The following PCNX4 variants were observed in gnomAD, a reference collection of about 807,000 sequenced individuals.
The protein encoded by PCNX4 is pecanex 4.
In PCNX4, 103 loss-of-function variants were observed where a neutral mutation model predicts 107.2. The observed-to-expected ratio is 0.96, with a 90% confidence interval of 0.82 to 1.13. The LOEUF (loss-of-function observed/expected upper bound fraction) is 1.13, where lower values mean the gene tolerates loss of function less well. Among genes scored for constraint, PCNX4 ranks in the 50% most tolerant of loss-of-function variants. The pLI, the probability that PCNX4 is intolerant of heterozygous loss-of-function variation, is 0.00. For synonymous variants in PCNX4, 541 were observed against 481.7 expected (o/e 1.12, Z -1.61); for missense variants, 1,528 against 1,379.4 (o/e 1.11, Z -1.71).
intron 2 of PCNX4, chr14:60,109,475 C>G (rs1895693725): frequency 1.2e-5 from 2 of 166,686 alleles, no homozygotes; most frequent in African/African-American, 4.8e-5. Context: ...AGTCTTCACT[C>G]TCTTGCCCAG....
At position 60,146,242 on chromosome 14, in the gene PCNX4, AT is replaced by A. The variant is rs1175402863; in HGVS notation, c.*12022del. The A allele has an allele frequency of 9.9e-5, 15 of 152,006 alleles. No individual in the cohort carries two copies. The highest frequency in any genetic ancestry group is 3.6e-4 in the African/African-American group (15 of 41,378). 9.4% of individuals were successfully genotyped at this position (152,006 alleles called of 1,614,324 possible). A position where few individuals can be genotyped will look rare whatever the true frequency, so the allele number is the denominator to read the frequency against. ...TTAGAAAAACCTAGATGTAAAAAAAATGCGAGATTTGCTAAATGATGTTTAT... is the reference window on the plus strand; with the variant it reads ...TTAGAAAAACCTAGATGTAAAAAAAAGCGAGATTTGCTAAATGATGTTTAT... On this transcript the variant is annotated 3_prime_UTR_variant, in exon 11 of 11. Coordinates refer to ENST00000406854, the MANE Select transcript of PCNX4 (RefSeq NM_001330177.2). This position sits in a 1 kb window ranked among gnomAD's most constrained non-coding sequence, Gnocchi z 4.9.
At position 60,108,252 on chromosome 14, in the gene PCNX4, A is replaced by C. The variant is rs1595165324; in HGVS notation, c.614A>C (p.Gln205Pro). The C allele has an allele frequency of 6.2e-7, 1 of 1,612,764 alleles. No individual in the cohort carries two copies. Among genetic ancestry groups the C allele is most frequent in the South Asian group, 1.1e-5 (1 of 91,072 alleles). ...TATETATFQTQDTYEIIPLMR... is the reference protein window; with the variant it reads ...TATETATFQTPDTYEIIPLMR... ...ACAGAGACTGCGACTTTCCAAACAC[A>C]GGATACTTATGAAATTATTCCTCTT... The change falls in exon 2 of 11, where the codon CAG (glutamine) becomes CCG (proline). Residue 205 changes from glutamine (Q) to proline (P), a missense_variant. Physicochemically the swap from Gln to Pro is moderately conservative, Grantham distance 76. Transcript: ENST00000406854.
In PCNX4 at chr14:60,096,058, A is replaced by G. The variant is rs1895418025; in HGVS notation, c.-54+3639A>G. On this transcript the variant is annotated intron_variant, in intron 1 of 10. Coordinates refer to ENST00000406854, the MANE Select transcript of PCNX4 (RefSeq NM_001330177.2). Reference sequence around the variant, plus strand: ...CACAACACAAACTATTATTCCTAATATAAGCAATAAGCTTCTGTCACCAAG... The same window carrying G: ...CACAACACAAACTATTATTCCTAATGTAAGCAATAAGCTTCTGTCACCAAG... Among the ~76,000 whole-genome samples the G allele has an allele frequency of 2.6e-5, 4 of 152,376 alleles. No individual in the cohort carries two copies. The South Asian group carries it at 8.3e-4, about 32-fold the overall frequency.
chr14:60,096,212 A>C (rs1018862454), intron 1 of PCNX4, among the ~76,000 whole-genome samples: 3 of 152,244 alleles, frequency 2.0e-5, no homozygotes, highest in African/African-American at 7.2e-5. Flanking sequence ...TATAAACACA[A>C]CATTCCATTT....
At chr14:60,123,036 A>G (rs1895983455) in intron 8 of PCNX4, among the ~76,000 whole-genome samples, 1 of 152,176 alleles carries the variant, frequency 6.6e-6, no homozygotes, top group South Asian at 2.1e-4. Flanking sequence ...TATTTCAAAC[A>G]GCGCTCCGAG....
At chr14:60,114,327 T>C (rs59725433) in intron 2 of PCNX4, among the ~76,000 whole-genome samples, 1 of 152,334 alleles carries the variant, frequency 6.6e-6, no homozygotes, top group African/African-American at 2.4e-5. Flanking sequence ...TGTAGTAGTT[T>C]AGACATTTAG....
chr14:60,115,513 A>T (rs929086401), intron 4 of PCNX4, 52 bp downstream of exon 4: 125 of 1,481,476 alleles, frequency 8.4e-5, no homozygotes, highest in Non-Finnish European at 2.3e-5. Flanking sequence ...TCCTGGAAGT[A>T]TTCAAAAATA....
chr14:60,122,235 C>G (rs1249547956), intron 8 of PCNX4, among the ~76,000 whole-genome samples: 1 of 152,118 alleles, frequency 6.6e-6, no homozygotes, highest in Non-Finnish European at 1.5e-5. Flanking sequence ...CACCTATGTG[C>G]CCCTACAGTA....
chr14:60,117,149 A>T (rs980563269), intron 6 of PCNX4, among the ~76,000 whole-genome samples: 1 of 152,222 alleles, frequency 6.6e-6, no homozygotes, highest in Non-Finnish European at 1.5e-5. Context: ...CTAAGAGTAC[A>T]GTGTTTTAAA....
chr14:60,111,205 G>A (rs1895734119), intron 2 of PCNX4: 1 of 152,214 alleles, frequency 6.6e-6, no homozygotes, highest in Non-Finnish European at 1.5e-5. Context: ...ATTAAGACAA[G>A]GCATTTTAAA....
At chr14:60,125,851 A>G (rs373819318) in intron 10 of PCNX4, 28 bp downstream of exon 10, 2 of 1,468,206 alleles carry the variant, frequency 1.4e-6, no homozygotes, top group Non-Finnish European at 1.9e-6. Context: ...TTAAACTTAC[A>G]TATACTAACC....
At position 60,124,469 on chromosome 14, in the gene PCNX4, G is replaced by A. The variant is rs762397933; in HGVS notation, c.2298G>A (p.Trp766Ter). The A allele has an allele frequency of 6.2e-7, 1 of 1,613,644 alleles. No homozygotes were observed. The highest frequency in any genetic ancestry group is 2.2e-5 in the East Asian group (1 of 44,870). The change falls in exon 9 of 11, where the codon TGG (tryptophan) becomes TGA (stop). Residue 766 changes from tryptophan to a stop codon, truncating the protein, a stop_gained. Coordinates refer to ENST00000406854, the MANE Select transcript of PCNX4 (RefSeq NM_001330177.2). LOFTEE classifies it high-confidence loss of function. ...GTGACCTCATTAAAGTACTTGTGTG[G>A]ATACTTGTTCAATACTGCTCCAAAA... Reference protein sequence around the residue: ...FKGDLIKVLVWILVQYCSKRP... With the variant: ...FKGDLIKVLV
In PCNX4 at chr14:60,138,780, T is replaced by A. The variant is rs904235525; in HGVS notation, c.*4559T>A. 6.6e-6 allele frequency: 1 copy of A among 152,148 alleles called. No individual in the cohort carries two copies. Among genetic ancestry groups the A allele is most frequent in the African/African-American group, 2.4e-5 (1 of 41,458 alleles). 9.4% of individuals were successfully genotyped at this position (152,148 alleles called of 1,614,324 possible). On this transcript the variant is annotated 3_prime_UTR_variant, in exon 11 of 11. Transcript: ENST00000406854. ...AAAAGGTTAGAGATAAAGGTAGGAA[T>A]GAACAGTAATTTAAAAATATATATA...
rs138412699 is a variant in PCNX4 at position 60,134,274 on chromosome 14, T to C, written c.*53T>C. 3.4e-5 allele frequency: 53 copies of C among 1,578,144 alleles called. 1 individual carries two copies. The African/African-American group carries it at 3.5e-4, about 10-fold the overall frequency. ...ATGCAATGTTTTTATTTTTTCATCC[T>C]AAAAAAGTAACTGTGATTCTTGTAA... On this transcript the variant is annotated 3_prime_UTR_variant, in exon 11 of 11. Transcript: ENST00000406854.
intron 8 of PCNX4, among the ~76,000 whole-genome samples, chr14:60,122,845 G>A (rs1362783888): frequency 6.6e-6 from 1 of 152,036 alleles, no homozygotes; most frequent in African/African-American, 2.4e-5. Flanking sequence ...TTTTGTACTA[G>A]CACAGATTGG....
At position 60,141,393 on chromosome 14, in the gene PCNX4, T is replaced by C. The variant is rs1028402865; in HGVS notation, c.*7172T>C. 1 of 151,844 alleles carries C rather than the reference T, an allele frequency of 6.6e-6. No individual in the cohort carries two copies. The allele number at this position is 151,844 out of a possible 1,614,324, so 9.4% of individuals were successfully genotyped here. On this transcript the variant is annotated 3_prime_UTR_variant, in exon 11 of 11. Transcript: ENST00000406854. The stretch of plus-strand genomic sequence containing the variant: ...AAAATCCATAAACCTGTAGAAAGAC[T>C]GACAAAAAGAAAAAACACAAATCAT...
intron 1 of PCNX4, among the ~76,000 whole-genome samples, chr14:60,102,684 G>GT (rs1033948034): frequency 1.3e-5 from 2 of 151,982 alleles, no homozygotes; most frequent in Non-Finnish European, 2.9e-5. Flanking sequence ...TCACAGTTTT[G>GT]TTTTTTTCCT....
rs1255437530 is a variant in PCNX4 at position 60,136,439 on chromosome 14, G to T, written c.*2218G>T. 6.6e-6 allele frequency: 1 copy of T among 152,066 alleles called. No individual in the cohort carries two copies. Among genetic ancestry groups the T allele is most frequent in the Non-Finnish European group, 1.5e-5 (1 of 68,012 alleles). 9.4% of individuals were successfully genotyped at this position (152,066 alleles called of 1,614,324 possible). A position where few individuals can be genotyped will look rare whatever the true frequency, so the allele number is the denominator to read the frequency against. ...ATAAATTGATGATGATCAAATATAT[G>T]TACCTAACCCAACCTCTCTTCTTAC... On this transcript the variant is annotated 3_prime_UTR_variant, in exon 11 of 11. Transcript: ENST00000406854.
At chr14:60,126,237 C>G (rs1464314288) in intron 10 of PCNX4, 1 of 152,548 alleles carries the variant, frequency 6.6e-6, no homozygotes, top group Non-Finnish European at 1.5e-5. Context: ...TGAAGCAAAC[C>G]TAACCTGTGA....
Sources: gnomAD v4.1 joint callset for allele counts (sites outside exome capture counted in the v4.1 genomes callset) on GRCh38, gnomAD v4.1.1 for gene constraint, Gnocchi (gnomAD v3.1) non-coding constraint, MANE v1.5 for transcripts, NCBI Gene and HGNC (gene_info 2026-07-23, HGNC 2026-07-21) for gene names.